Variants in SOX6 observed in about 807,000 individuals in gnomAD.
SOX6 encodes SRY-box transcription factor 6.
A neutral mutation model predicts 97.8 loss-of-function variants in SOX6; 11 were observed. The observed-to-expected ratio is 0.11, with a 90% CI of 0.07 to 0.19. The LOEUF (loss-of-function observed/expected upper bound fraction) is 0.19, where lower values mean the gene tolerates loss of function less well. Ranked by LOEUF, SOX6 falls within the 10% of genes least tolerant of loss-of-function variation. The pLI is 1.00. For missense variants in SOX6, 810 were observed against 1,039.5 expected, an observed-to-expected ratio of 0.78 and a Z score of 3.04; for synonymous variants, 360 against 371.4, an observed-to-expected ratio of 0.97 and a Z score of 0.35.
intron 1 of SOX6, among the ~76,000 whole-genome samples, chr11:16,375,216 C>G (rs937489534): frequency 2.6e-5 from 4 of 152,024 alleles, no homozygotes; most frequent in Non-Finnish European, 5.9e-5. Flanking sequence ...AATTAATTTG[C>G]CACCCAACGC....
intron 9 of SOX6, among the ~76,000 whole-genome samples, chr11:16,067,569 T>C (rs1564935606): frequency 6.6e-6 from 1 of 152,184 alleles, no homozygotes; most frequent in Admixed American, 6.6e-5. Context: ...CTTTATAAAT[T>C]ACCCAGTCTC....
rs536668402 is a variant in SOX6, at chr11:16,324,206, C to A, written c.238-5553G>T. 2.2e-3 allele frequency among the ~76,000 whole-genome samples: 334 copies of A among 151,698 alleles called. 2 individuals carry two copies. The highest frequency in any genetic ancestry group is 3.4e-3 in the Middle Eastern group (1 of 294). Reference sequence around the variant, plus strand: ...CTCTCAAAACAAACAAACAAACAAACAAAAAAAATCAAACAGGCAAAGAGC... The same window carrying A: ...CTCTCAAAACAAACAAACAAACAAAAAAAAAAAATCAAACAGGCAAAGAGC... On this transcript the variant is annotated intron_variant, in intron 2 of 15. Coordinates refer to ENST00000683767, the MANE Select transcript of SOX6 (RefSeq NM_001367873.1).
At chr11:16,442,141 G>A (rs913196462) in intron 1 of SOX6, among the ~76,000 whole-genome samples, 1 of 152,166 alleles carries the variant, frequency 6.6e-6, no homozygotes, top group Non-Finnish European at 1.5e-5. Context: ...AAGGAGCAGA[G>A]ATTAATTAGT....
At chr11:16,306,637 T>TC in intron 3 of SOX6, among the ~76,000 whole-genome samples, 1 of 149,050 alleles carries the variant, frequency 6.7e-6, no homozygotes, top group South Asian at 2.2e-4. Flanking sequence ...CTTTTTTTTT[T>TC]TTTCCTGAGA....
intron 7 of SOX6, among the ~76,000 whole-genome samples, chr11:16,109,675 C>A (rs1334805082): frequency 6.6e-6 from 1 of 152,086 alleles, no homozygotes; most frequent in Non-Finnish European, 1.5e-5. Context: ...CTACTAATAG[C>A]GTAAGAACAT....
intron 4 of SOX6, among the ~76,000 whole-genome samples, chr11:16,555,095 T>A (rs1289545247): frequency 6.6e-6 from 1 of 151,858 alleles, no homozygotes; most frequent in Non-Finnish European, 1.5e-5. Flanking sequence ...CATCTCAATC[T>A]CAATCACATA....
At chr11:16,581,813 T>G (rs1428272495) in intron 4 of SOX6, among the ~76,000 whole-genome samples, 3 of 151,824 alleles carry the variant, frequency 2.0e-5, no homozygotes, top group Non-Finnish European at 4.4e-5. Context: ...AATACAAAAA[T>G]TAGCCAGGCG....
chr11:15,992,042 A>G (rs1330246014), intron 13 of SOX6, among the ~76,000 whole-genome samples: 1 of 152,222 alleles, frequency 6.6e-6, no homozygotes, highest in Non-Finnish European at 1.5e-5. Flanking sequence ...TTGATTTCAC[A>G]GCAATTCTCT....
At chr11:16,164,749 G>A (rs1850840805) in intron 6 of SOX6, among the ~76,000 whole-genome samples, 1 of 151,530 alleles carries the variant, frequency 6.6e-6, no homozygotes. Context: ...CTTGAACCTG[G>A]GAGGCGAAAG....
At chr11:16,524,731 C>A (rs1295429411) in intron 4 of SOX6, among the ~76,000 whole-genome samples, 1 of 151,848 alleles carries the variant, frequency 6.6e-6, no homozygotes, top group African/African-American at 2.4e-5. Flanking sequence ...ATCTAGAAAA[C>A]CCCATTGTCT....
intron 1 of SOX6, among the ~76,000 whole-genome samples, chr11:16,443,943 G>C (rs986077915): frequency 6.7e-6 from 1 of 150,328 alleles, no homozygotes; most frequent in Non-Finnish European, 1.5e-5. Flanking sequence ...AACCCGGGAG[G>C]TGGAGGTTGC....
At chr11:16,246,236 T>G (rs1853331683) in intron 3 of SOX6, among the ~76,000 whole-genome samples, 1 of 151,638 alleles carries the variant, frequency 6.6e-6, no homozygotes, top group South Asian at 2.1e-4. Flanking sequence ...GTTTTAAACC[T>G]CATTATACAT....
chr11:16,609,016 C>T (rs1848367759), intron 4 of SOX6, among the ~76,000 whole-genome samples: 1 of 152,072 alleles, frequency 6.6e-6, no homozygotes, highest in Non-Finnish European at 1.5e-5. Flanking sequence ...AATAAAGATT[C>T]CCTTTGAGTC....
chr11:16,404,451 AT>A (rs545636225), intron 1 of SOX6, among the ~76,000 whole-genome samples: 2 of 152,102 alleles, frequency 1.3e-5, no homozygotes, highest in South Asian at 4.1e-4. Context: ...TTTATTAAAT[AT>A]ACTTTTATTG....
At chr11:16,322,356 C>T (rs777403617) in intron 2 of SOX6, among the ~76,000 whole-genome samples, 1 of 151,976 alleles carries the variant, frequency 6.6e-6, no homozygotes, top group African/African-American at 2.4e-5. Context: ...CTTCCTCCTG[C>T]TCCAGCCACA....
intron 6 of SOX6, among the ~76,000 whole-genome samples, chr11:16,129,118 T>G (rs1590213880): frequency 6.6e-6 from 1 of 151,794 alleles, no homozygotes; most frequent in Middle Eastern, 3.4e-3. Context: ...TCTGCCCACC[T>G]TGGCCTCCCA....
chr11:16,204,098 A>C (rs1852009221), intron 4 of SOX6, among the ~76,000 whole-genome samples: 2 of 152,042 alleles, frequency 1.3e-5, no homozygotes, highest in Non-Finnish European at 2.9e-5. Context: ...CAAGAGATAC[A>C]TACAATTTTA....
chr11:15,989,262 G>A, intron 13 of SOX6, 32 bp from the exon 14 acceptor site: 2 of 1,540,446 alleles, frequency 1.3e-6, no homozygotes, highest in African/African-American at 1.4e-5. Context: ...AACAAGATGA[G>A]TGGAAAGCGT....
At chr11:16,106,661 A>C (rs1328049474) in intron 7 of SOX6, among the ~76,000 whole-genome samples, 1 of 152,096 alleles carries the variant, frequency 6.6e-6, no homozygotes, top group African/African-American at 2.4e-5. Context: ...CATAGTGGTA[A>C]ATCTTTATGA....
Sources: gnomAD v4.1 joint callset for allele counts (sites outside exome capture counted in the v4.1 genomes callset) on GRCh38, gnomAD v4.1.1 for gene constraint, MANE v1.5 for transcripts, NCBI Gene and HGNC (gene_info 2026-07-23, HGNC 2026-07-21) for gene names.